The following L3MBTL3 variants were observed in gnomAD, a reference collection of about 807,000 sequenced individuals.
L3MBTL3 encodes lethal(3)malignant brain tumor-like protein 3.
In L3MBTL3, 27 loss-of-function variants were observed where a neutral mutation model predicts 102.3. The ratio of observed to expected loss-of-function variants is 0.26; its 90% CI spans 0.19 to 0.36. The LOEUF is 0.36. L3MBTL3 is among the 10% of genes least tolerant of loss of function. The probability of loss-of-function intolerance (pLI) is 1.00; values close to 1 mark genes in which losing one functional copy is unlikely to be tolerated. For synonymous variants in L3MBTL3, 340 were observed against 320.9 expected, an observed-to-expected ratio of 1.06 and a Z score of -0.64; for missense variants, 798 against 955.3, an observed-to-expected ratio of 0.84 and a Z score of 2.17.
intron 15 of L3MBTL3, 96 bp from the exon 16 acceptor site, chr6:130,086,044 C>T (rs1254755182): frequency 1.1e-5 from 9 of 834,934 alleles, no homozygotes; most frequent in African/African-American, 3.4e-5. Context: ...TGAGCCACCG[C>T]GCCTGGCCAG....
chr6:130,113,627 G>A (rs1404446874), intron 19 of L3MBTL3, among the ~76,000 whole-genome samples: 1 of 152,198 alleles, frequency 6.6e-6, no homozygotes, highest in African/African-American at 2.4e-5. Context: ...TGGTCTAATG[G>A]CAGAAATCAG....
intron 18 of L3MBTL3, among the ~76,000 whole-genome samples, chr6:130,096,257 C>T (rs1784361132): frequency 6.6e-6 from 1 of 152,156 alleles, no homozygotes; most frequent in Non-Finnish European, 1.5e-5. Flanking sequence ...AAATTAGTCA[C>T]AGACCCAACC....
At chr6:130,076,059 G>C (rs1782931541) in intron 13 of L3MBTL3, among the ~76,000 whole-genome samples, 1 of 152,156 alleles carries the variant, frequency 6.6e-6, no homozygotes, top group African/African-American at 2.4e-5. Context: ...TAGTAGTAAA[G>C]TGCAGAGTAA....
Position 130,104,590 on chromosome 6 carries a change from A to T in L3MBTL3, c.1886+15A>T, listed in dbSNP as rs1329924644. ...CCTGAAATCAGGTAATCAAAGAGCT[A>T]ATATTAGCATTGTTTAGAAGTACTC... is the stretch of plus-strand genomic sequence containing the variant. On this transcript the variant is annotated intron_variant, in intron 19 of 22. Coordinates refer to ENST00000361794, the MANE Select transcript of L3MBTL3 (RefSeq NM_032438.4). The T allele has an allele frequency of 6.5e-7, 1 of 1,545,630 alleles. No individual in the cohort carries two copies. The highest frequency in any genetic ancestry group is 1.4e-5 in the African/African-American group (1 of 71,732).
intron 18 of L3MBTL3, among the ~76,000 whole-genome samples, chr6:130,103,723 A>G (rs893638226): frequency 3.3e-5 from 5 of 152,204 alleles, no homozygotes; most frequent in Non-Finnish European, 5.9e-5. Context: ...CTAATGGTGA[A>G]TTAACAGTGA....
At chr6:130,061,162 A>G (rs924933289) in intron 10 of L3MBTL3, among the ~76,000 whole-genome samples, 10 of 147,602 alleles carry the variant, frequency 6.8e-5, no homozygotes, top group Non-Finnish European at 5.9e-5. Context: ...TTGGCTCACT[A>G]CAACCTCCAC....
At chr6:130,051,430 T>C in intron 6 of L3MBTL3, 22 bp downstream of exon 6, 2 of 1,602,166 alleles carry the variant, frequency 1.2e-6, no homozygotes, top group Non-Finnish European at 1.7e-6. Context: ...CCCCATTCCA[T>C]CTATAAATTG....
chr6:130,126,081 CTCCCTCCCTCCTTACCTCTT>C (rs1227073689), intron 20 of L3MBTL3, among the ~76,000 whole-genome samples: 2 of 151,408 alleles, frequency 1.3e-5, no homozygotes, highest in Non-Finnish European at 2.9e-5. Context: ...CCCTCGCTCC[CTCCCTCCCTCCTTACCTCTT>C]TCCCTCCCTC....
chr6:130,089,380 T>C (rs1562300734), intron 16 of L3MBTL3, among the ~76,000 whole-genome samples: 1 of 152,138 alleles, frequency 6.6e-6, no homozygotes, highest in African/African-American at 2.4e-5. Context: ...TCCATGTCCC[T>C]GCAGAAGACA....
At chr6:130,062,555 ATTTTTTTTTT>A (rs1175015608) in intron 10 of L3MBTL3, among the ~76,000 whole-genome samples, 1 of 124,226 alleles carries the variant, frequency 8.0e-6, no homozygotes, top group Non-Finnish European at 1.7e-5. Context: ...GCCCAGCTAA[ATTTTTTTTTT>A]TTTTTTTTTT....
rs1337606976 is a variant in L3MBTL3 at position 130,042,853 on chromosome 6, C to T, written c.102+52C>T. 3.3e-6 allele frequency: 4 copies of T among 1,200,428 alleles called. No homozygotes were observed. In the South Asian group the frequency reaches 3.7e-5, roughly 11 times the overall value. The allele number at this position is 1,200,428 out of a possible 1,614,324, so 74.4% of individuals were successfully genotyped here. On this transcript the variant is annotated intron_variant, in intron 3 of 22. Transcript: ENST00000361794. ...ATGTGTGTGTGCATCTGTGCGTATG[C>T]TTACTTAAAATTGGATACATATGTG...
At chr6:130,028,636 TATC>T (rs1779511635) in intron 2 of L3MBTL3, among the ~76,000 whole-genome samples, 2 of 152,220 alleles carry the variant, frequency 1.3e-5, no homozygotes, top group African/African-American at 4.8e-5. Flanking sequence ...TCAGAGTACT[TATC>T]AGGCAGGATG....
At chr6:130,121,779 A>G (rs1218184248) in intron 20 of L3MBTL3, among the ~76,000 whole-genome samples, 1 of 152,234 alleles carries the variant, frequency 6.6e-6, no homozygotes, top group Non-Finnish European at 1.5e-5. Flanking sequence ...TTTGTCCTAC[A>G]TCTTTGTTAA....
Position 130,071,094 on chromosome 6 carries a change from AT to A in L3MBTL3, c.1215del (p.Phe405LeufsTer41). 1 of 1,613,228 alleles carries A rather than the reference AT, an allele frequency of 6.2e-7. No homozygotes were observed. The highest frequency in any genetic ancestry group is 8.5e-7 in the Non-Finnish European group (1 of 1,179,492). ...TDMVDNRFLV[H>X]FDNWDESYDY... ...ATGGTGGACAATCGTTTCCTGGTAC[AT>A]TTTGACAACTGGGATGAGAGCTATG... On this transcript the variant is annotated frameshift_variant, in exon 13 of 23. Transcript: ENST00000361794. LOFTEE classifies it high-confidence loss of function.
chr6:130,136,980 G>C (rs1413442223), intron 22 of L3MBTL3, among the ~76,000 whole-genome samples: 2 of 152,112 alleles, frequency 1.3e-5, no homozygotes, highest in Non-Finnish European at 2.9e-5. Flanking sequence ...TTGGCTTATG[G>C]TCTGTCTACC....
At chr6:130,023,558 A>G (rs1474417800) in intron 2 of L3MBTL3, among the ~76,000 whole-genome samples, 2 of 152,228 alleles carry the variant, frequency 1.3e-5, no homozygotes, top group Admixed American at 1.3e-4. Flanking sequence ...GACTAAATGT[A>G]ATAACTAGAT....
At chr6:130,075,890 C>G (rs1228284539) in intron 13 of L3MBTL3, among the ~76,000 whole-genome samples, 1 of 152,210 alleles carries the variant, frequency 6.6e-6, no homozygotes, top group Non-Finnish European at 1.5e-5. Flanking sequence ...TGATGAGATG[C>G]TATCACCTTT....
In L3MBTL3 at chr6:130,141,144, G is replaced by T. The variant is rs1022880963; in HGVS notation, c.*1391G>T. On this transcript the variant is annotated 3_prime_UTR_variant, in exon 23 of 23. Transcript: ENST00000361794. ...TTTAAAAATAGAAAGTAAGTTTGTA[G>T]CATGCTGTCTGAATTCTGGGGTAAG... The T allele has an allele frequency of 6.6e-6, 1 of 152,180 alleles. No homozygotes were observed. Among genetic ancestry groups the T allele is most frequent in the Non-Finnish European group, 1.5e-5 (1 of 68,034 alleles). The allele number at this position is 152,180 out of a possible 1,614,324, so 9.4% of individuals were successfully genotyped here.
At chr6:130,064,355 C>T (rs1044244949) in intron 10 of L3MBTL3, among the ~76,000 whole-genome samples, 1 of 151,986 alleles carries the variant, frequency 6.6e-6, no homozygotes, top group African/African-American at 2.4e-5. Context: ...GGTTTGCAGA[C>T]TGGAATAGGA....
Sources: gnomAD v4.1 joint callset for allele counts (sites outside exome capture counted in the v4.1 genomes callset) on GRCh38, gnomAD v4.1.1 for gene constraint, MANE v1.5 for transcripts, NCBI Gene and HGNC (gene_info 2026-07-23, HGNC 2026-07-21) for gene names.